The following TAFA5 variants were observed in gnomAD, a reference collection of about 807,000 sequenced individuals.
TAFA5 encodes the protein TAFA chemokine like family member 5.
In TAFA5, 6 loss-of-function variants were observed where a neutral mutation model predicts 15.3. The ratio of observed to expected loss-of-function variants is 0.39; its 90% CI spans 0.21 to 0.77. TAFA5 has a LOEUF of 0.77. TAFA5 is among the 30% of genes least tolerant of loss of function. TAFA5 has a pLI of 0.41. For synonymous variants in TAFA5, 103 were observed against 80.7 expected, an observed-to-expected ratio of 1.28 and a Z score of -1.48; for missense variants, 161 against 193.1, an observed-to-expected ratio of 0.83 and a Z score of 0.98.
At chr22:48,671,393 C>T (rs1270916465) in intron 2 of TAFA5, among the ~76,000 whole-genome samples, 1 of 152,214 alleles carries the variant, frequency 6.6e-6, no homozygotes, top group African/African-American at 2.4e-5. Context: ...TGTTGAGAAT[C>T]ACAGAAATTC....
chr22:48,542,618 GT>G (rs1452798376), intron 1 of TAFA5, among the ~76,000 whole-genome samples: 63 of 102,236 alleles, frequency 6.2e-4, no homozygotes, highest in South Asian at 2.6e-3. Flanking sequence ...TGGTGTGTGT[GT>G]GGTGTGTGTG....
chr22:48,626,092 C>G (rs943373576), intron 1 of TAFA5, among the ~76,000 whole-genome samples: 2 of 151,922 alleles, frequency 1.3e-5, no homozygotes, highest in Non-Finnish European at 2.9e-5. Context: ...ATCCATTCAC[C>G]TGTTGAAAAG....
chr22:48,603,872 G>A (rs961054781), intron 1 of TAFA5, among the ~76,000 whole-genome samples: 2 of 152,178 alleles, frequency 1.3e-5, no homozygotes, highest in Non-Finnish European at 2.9e-5. Context: ...CTCCCAACTC[G>A]TGCGTCTCAG....
intron 1 of TAFA5, among the ~76,000 whole-genome samples, chr22:48,622,926 T>C (rs1174494527): frequency 3.9e-5 from 6 of 152,232 alleles, no homozygotes; most frequent in African/African-American, 1.4e-4. Flanking sequence ...AGCACACTAC[T>C]GGGCGGGCAG....
At chr22:48,559,799 C>T (rs943281830) in intron 1 of TAFA5, among the ~76,000 whole-genome samples, 5 of 152,144 alleles carry the variant, frequency 3.3e-5, no homozygotes, top group Middle Eastern at 3.4e-3. Flanking sequence ...AACCCAGAGG[C>T]GGAGCGCGGC....
At chr22:48,612,124 TGCAGGAGCCCTGTGCTTCCCAC>T (rs1333108201) in intron 1 of TAFA5, among the ~76,000 whole-genome samples, 2 of 152,144 alleles carry the variant, frequency 1.3e-5, no homozygotes, top group Non-Finnish European at 2.9e-5. Context: ...TCTATGCAGG[TGCAGGAGCCCTGTGCTTCCCAC>T]GGACGGGGCT....
chr22:48,511,883 C>T (rs566237981), intron 1 of TAFA5, among the ~76,000 whole-genome samples: 9 of 152,344 alleles, frequency 5.9e-5, no homozygotes, highest in African/African-American at 1.7e-4. Flanking sequence ...AGCAGTCAGG[C>T]GGGCTCCCGG....
intron 2 of TAFA5, among the ~76,000 whole-genome samples, chr22:48,651,952 G>A (rs1410207145): frequency 1.3e-5 from 2 of 152,202 alleles, no homozygotes; most frequent in African/African-American, 4.8e-5. Context: ...AGTGACTGCA[G>A]GAGCCAGGGT....
At chr22:48,555,289 C>G (rs982592862) in intron 1 of TAFA5, among the ~76,000 whole-genome samples, 1 of 152,194 alleles carries the variant, frequency 6.6e-6, no homozygotes, top group Admixed American at 6.5e-5. Context: ...CGACCGGCTT[C>G]CCAGGTGCCT....
At chr22:48,716,891 G>A (rs564480614) in intron 3 of TAFA5, among the ~76,000 whole-genome samples, 1 of 152,162 alleles carries the variant, frequency 6.6e-6, no homozygotes, top group Admixed American at 6.5e-5. Flanking sequence ...AGCAGAGAGT[G>A]GAATTTTCTA....
chr22:48,567,545 G>A (rs1358164958), intron 1 of TAFA5, among the ~76,000 whole-genome samples: 1 of 152,228 alleles, frequency 6.6e-6, no homozygotes. Context: ...TGTGGGCGGG[G>A]ATTGGTGGGC....
chr22:48,612,212 T>A (rs550393083), intron 1 of TAFA5, among the ~76,000 whole-genome samples: 5 of 152,056 alleles, frequency 3.3e-5, no homozygotes, highest in Non-Finnish European at 5.9e-5. Flanking sequence ...GCTTTTCCAT[T>A]TGTAATCCTT....
chr22:48,729,927 G>A (rs1929822608), intron 3 of TAFA5, among the ~76,000 whole-genome samples: 1 of 152,052 alleles, frequency 6.6e-6, no homozygotes, highest in African/African-American at 2.4e-5. Flanking sequence ...TCAGCAAGCA[G>A]CCTAGCAGCT....
At chr22:48,545,498 C>T (rs1922631780) in intron 1 of TAFA5, 1 of 155,256 alleles carries the variant, frequency 6.4e-6, no homozygotes, top group Non-Finnish European at 1.4e-5. Context: ...GCAGTGATTA[C>T]TCTGAACCCA....
chr22:48,555,504 C>A (rs1281990279), intron 1 of TAFA5, among the ~76,000 whole-genome samples: 1 of 152,196 alleles, frequency 6.6e-6, no homozygotes, highest in Non-Finnish European at 1.5e-5. Flanking sequence ...GGTCTCCAAG[C>A]GTGTCTGTGT....
chr22:48,747,802 C>T (rs1431766598), intron 3 of TAFA5, among the ~76,000 whole-genome samples: 1 of 150,564 alleles, frequency 6.6e-6, no homozygotes, highest in Non-Finnish European at 1.5e-5. Context: ...GAGGCTGAGG[C>T]AGGAGGATCA....
intron 1 of TAFA5, among the ~76,000 whole-genome samples, chr22:48,558,124 G>A (rs1000148149): frequency 6.6e-6 from 1 of 152,190 alleles, no homozygotes; most frequent in Non-Finnish European, 1.5e-5. Context: ...CTCCCAGATG[G>A]AGAGCAAGCC....
chr22:48,624,788 TCA>T (rs1481039140), intron 1 of TAFA5, among the ~76,000 whole-genome samples: 2 of 152,226 alleles, frequency 1.3e-5, no homozygotes, highest in South Asian at 2.1e-4. Context: ...GTTTCTTTCA[TCA>T]CAGAGTACTA....
In TAFA5 at chr22:48,671,909, C is replaced by T. The variant is rs563769262; in HGVS notation, c.262+25163C>T. On this transcript the variant is annotated intron_variant, in intron 2 of 3. Coordinates refer to ENST00000402357, the MANE Select transcript of TAFA5 (RefSeq NM_001082967.3). ...ATATCTGATGAGTGGGGAGTAAGCC[C>T]GGGCTGTGAAACTGCATCCTTGGGG... 3.3e-5 allele frequency among the ~76,000 whole-genome samples: 5 copies of T among 152,216 alleles called. 1 individual carries two copies. The South Asian group carries it at 8.3e-4, about 25-fold the overall frequency.
Sources: allele counts gnomAD v4.1 joint callset (sites outside exome capture counted in the v4.1 genomes callset), GRCh38; gene constraint gnomAD v4.1.1; transcripts MANE v1.5; gene names NCBI Gene and HGNC (gene_info 2026-07-23, HGNC 2026-07-21).